Variants in CDYL2 observed in about 807,000 individuals in gnomAD.
CDYL2 encodes chromodomain Y-like protein 2.
Under a neutral mutation model 49.4 loss-of-function variants are expected in CDYL2, and 23 were observed. The observed-to-expected ratio is 0.47, with a 90% CI of 0.34 to 0.66. CDYL2 has a LOEUF of 0.66. Ranked by LOEUF, CDYL2 falls within the 30% of genes least tolerant of loss-of-function variation. The pLI is 0.01. For synonymous variants in CDYL2, 360 were observed against 268.8 expected, an observed-to-expected ratio of 1.34 and a Z score of -3.32; for missense variants, 678 against 656.4, an observed-to-expected ratio of 1.03 and a Z score of -0.36.
In CDYL2 at chr16:80,750,036, G is replaced by C. The variant is rs182371750; in HGVS notation, c.24+54114C>G. ...CACTCAGAGGTGGGAATTGAACAAA[G>C]AGAACACTTGGACAGAGGAAGGGGA... On this transcript the variant is annotated intron_variant, in intron 1 of 6. Transcript: ENST00000570137. 5.3e-3 allele frequency among the ~76,000 whole-genome samples: 805 copies of C among 150,776 alleles called. 9 individuals carry two copies. The highest frequency in any genetic ancestry group is 0.018 in the African/African-American group (734 of 41,036).
At chr16:80,713,834 T>C (rs1035742227) in intron 1 of CDYL2, among the ~76,000 whole-genome samples, 1 of 152,130 alleles carries the variant, frequency 6.6e-6, no homozygotes, top group Non-Finnish European at 1.5e-5. Flanking sequence ...GGAGCCATGC[T>C]GTGAGGAAGC....
intron 1 of CDYL2, among the ~76,000 whole-genome samples, chr16:80,769,052 T>C (rs1355367085): frequency 6.6e-6 from 1 of 152,194 alleles, no homozygotes; most frequent in East Asian, 1.9e-4. Context: ...TAGTATGGAA[T>C]AGAATGGCCT....
intron 1 of CDYL2, among the ~76,000 whole-genome samples, chr16:80,692,030 G>A (rs1048837272): frequency 6.6e-6 from 1 of 152,066 alleles, no homozygotes; most frequent in African/African-American, 2.4e-5. Context: ...TTTAAAGAAA[G>A]CACTAAGGAA....
chr16:80,626,094 A>C (rs1373794439), intron 3 of CDYL2, among the ~76,000 whole-genome samples: 1 of 151,722 alleles, frequency 6.6e-6, no homozygotes, highest in African/African-American at 2.4e-5. Context: ...GTTCGAGGCC[A>C]GCCTGGGCAA....
intron 1 of CDYL2, among the ~76,000 whole-genome samples, chr16:80,770,317 T>G (rs1906863779): frequency 1.3e-5 from 2 of 152,126 alleles, no homozygotes; most frequent in Admixed American, 1.3e-4. Context: ...ACTATGTATT[T>G]AAAAGGTAAA....
At chr16:80,685,483 A>G (rs577633367) in intron 1 of CDYL2, among the ~76,000 whole-genome samples, 25 of 152,316 alleles carry the variant, frequency 1.6e-4, no homozygotes, top group African/African-American at 6.0e-4. Flanking sequence ...ACCAAAGTAG[A>G]TGCAGGCTAT....
intron 1 of CDYL2, among the ~76,000 whole-genome samples, chr16:80,754,841 C>T (rs1014542823): frequency 6.6e-6 from 1 of 152,148 alleles, no homozygotes; most frequent in Non-Finnish European, 1.5e-5. Flanking sequence ...AATCAAAGGG[C>T]TCCCAGGGGA....
intron 4 of CDYL2, among the ~76,000 whole-genome samples, chr16:80,618,071 C>G (rs1177260034): frequency 6.6e-6 from 1 of 152,188 alleles, no homozygotes; most frequent in Non-Finnish European, 1.5e-5. Flanking sequence ...CTTTCCCACG[C>G]CCCCATCCTT....
chr16:80,775,602 A>T (rs955982243), intron 1 of CDYL2, among the ~76,000 whole-genome samples: 31 of 152,036 alleles, frequency 2.0e-4, no homozygotes, highest in African/African-American at 6.5e-4. Context: ...AAATAGCACA[A>T]ATAATCCCAA....
intron 5 of CDYL2, among the ~76,000 whole-genome samples, chr16:80,608,963 C>A (rs367901600): frequency 7.2e-5 from 11 of 152,212 alleles, no homozygotes; most frequent in African/African-American, 2.6e-4. Flanking sequence ...CACTGGCAGC[C>A]AAAAAGGTCG....
intron 1 of CDYL2, among the ~76,000 whole-genome samples, chr16:80,756,851 G>A (rs911079802): frequency 7.2e-5 from 10 of 138,528 alleles, no homozygotes; most frequent in East Asian, 2.0e-4. Flanking sequence ...CATTATCATC[G>A]TATAAATTAG....
intron 1 of CDYL2, chr16:80,736,660 C>T (rs1043295536): frequency 1.3e-5 from 2 of 152,162 alleles, no homozygotes; most frequent in African/African-American, 4.8e-5. Flanking sequence ...CCTGTCACCC[C>T]AGCACTTTAG....
rs372346654 is a variant in CDYL2, at chr16:80,665,535, A to C, written c.616+19003T>G. Among the ~76,000 whole-genome samples, 116 of 151,008 alleles carry C rather than the reference A, an allele frequency of 7.7e-4. 1 individual carries two copies. The highest frequency in any genetic ancestry group is 2.5e-3 in the African/African-American group (102 of 40,718). Reference sequence around the variant, plus strand: ...AAAAAAAAAAAAAAAAATAGCAAAAACCGCAATTACTTTTGCACCAACCTA... The same window carrying C: ...AAAAAAAAAAAAAAAAATAGCAAAACCCGCAATTACTTTTGCACCAACCTA... On this transcript the variant is annotated intron_variant, in intron 2 of 6. Transcript: ENST00000570137.
chr16:80,616,010 C>T (rs1291192091), intron 4 of CDYL2, among the ~76,000 whole-genome samples: 1 of 152,134 alleles, frequency 6.6e-6, no homozygotes, highest in African/African-American at 2.4e-5. Flanking sequence ...CACCTTCCCC[C>T]ACATCCAAGG....
At chr16:80,634,659 A>G (rs1907735796) in intron 2 of CDYL2, among the ~76,000 whole-genome samples, 1 of 152,188 alleles carries the variant, frequency 6.6e-6, no homozygotes, top group Non-Finnish European at 1.5e-5. Flanking sequence ...ATAAATAAAA[A>G]TAAAAGGATA....
chr16:80,606,698 T>C (rs1225429432), intron 6 of CDYL2, among the ~76,000 whole-genome samples: 1 of 152,242 alleles, frequency 6.6e-6, no homozygotes, highest in Non-Finnish European at 1.5e-5. Context: ...TCTTGAATTG[T>C]AGCTCCCATA....
intron 1 of CDYL2, among the ~76,000 whole-genome samples, chr16:80,717,004 T>TGATGGATGGATGGATGGATG (rs60811461): frequency 5.4e-5 from 8 of 147,344 alleles, no homozygotes; most frequent in Non-Finnish European, 1.0e-4. Context: ...ATGATTCAAT[T>TGATGGATGGATGGATGGATG]GATGGATGGA....
rs529746357 is a variant in CDYL2, at chr16:80,599,539, G to A, written c.*4849C>T. ...GTCCTGCTAAACTCCAGTTTAGTAT[G>A]GCTTGATACACATAGTTCATTGATA... On this transcript the variant is annotated 3_prime_UTR_variant, in exon 7 of 7. Coordinates refer to ENST00000570137, the MANE Select transcript of CDYL2 (RefSeq NM_152342.4). 1 of 152,288 alleles carries A rather than the reference G, an allele frequency of 6.6e-6. No individual in the cohort carries two copies. Among genetic ancestry groups the A allele is most frequent in the African/African-American group, 2.4e-5 (1 of 41,574 alleles). The allele number at this position is 152,288 out of a possible 1,614,324, so 9.4% of individuals were successfully genotyped here.
intron 6 of CDYL2, 106 bp from the exon 7 acceptor site, chr16:80,604,652 G>A (rs936872641): frequency 8.3e-7 from 1 of 1,211,886 alleles, no homozygotes; most frequent in Non-Finnish European, 1.2e-6. Context: ...CTCACAGCCA[G>A]AGAAGGCTGC....
Sources: allele counts gnomAD v4.1 joint callset (sites outside exome capture counted in the v4.1 genomes callset), GRCh38; gene constraint gnomAD v4.1.1; transcripts MANE v1.5; gene names NCBI Gene and HGNC (gene_info 2026-07-23, HGNC 2026-07-21).